Variants in TRIT1 observed in about 807,000 individuals in gnomAD.
TRIT1 encodes the protein tRNA isopentenyltransferase 1.
A neutral mutation model predicts 51.2 loss-of-function variants in TRIT1; 43 were observed. The observed-to-expected ratio is 0.84, with a 90% CI of 0.66 to 1.08. The LOEUF (loss-of-function observed/expected upper bound fraction) is 1.08. Ranked by LOEUF, TRIT1 falls within the 50% of genes least tolerant of loss-of-function variation. The pLI is 0.00. For synonymous variants in TRIT1, 184 were observed against 203.9 expected, an observed-to-expected ratio of 0.90 and a Z score of 0.83; for missense variants, 528 against 578.4, an observed-to-expected ratio of 0.91 and a Z score of 0.89.
rs561871616 is a variant in TRIT1 at position 39,844,239 on chromosome 1, G to A, written c.1117-21C>T. 7.1e-6 allele frequency: 11 copies of A among 1,552,544 alleles called. No individual in the cohort carries two copies. The African/African-American group carries it at 8.1e-5, about 12-fold the overall frequency. ...TGGCCCTAAAAGAACAAGGGTGGAA[G>A]GGAGTATTCAATTCAAAGAGATCTG... On this transcript the variant is annotated intron_variant, in intron 9 of 10. Transcript: ENST00000316891.
chr1:39,857,498 T>C (rs890372532), intron 1 of TRIT1, 81 bp from the exon 2 acceptor site: 5 of 1,510,996 alleles, frequency 3.3e-6, no homozygotes, highest in Admixed American at 3.7e-5. Context: ...TTTTGATCTA[T>C]TTCTCCCTCC....
chr1:39,847,529 T>A lies in TRIT1; in HGVS notation c.928+19A>T. 1 of 1,612,850 alleles carries A rather than the reference T, an allele frequency of 6.2e-7. No homozygotes were observed. Among genetic ancestry groups the A allele is most frequent in the South Asian group, 1.1e-5 (1 of 91,060 alleles). On this transcript the variant is annotated intron_variant, in intron 7 of 10. Coordinates refer to ENST00000316891, the MANE Select transcript of TRIT1 (RefSeq NM_017646.6). ...CACCCAAAGATGTCCAAGACTAGAT[T>A]AGATGGAAGAATTCACACCTTTCTT... is the stretch of plus-strand genomic sequence containing the variant.
At chr1:39,853,222 A>C (rs1162771294) in intron 3 of TRIT1, among the ~76,000 whole-genome samples, 1 of 152,176 alleles carries the variant, frequency 6.6e-6, no homozygotes, top group East Asian at 1.9e-4. Context: ...ATTACAGTTT[A>C]CACAGTCTTA....
intron 1 of TRIT1, among the ~76,000 whole-genome samples, chr1:39,881,949 T>A (rs899905185): frequency 1.3e-5 from 2 of 152,344 alleles, no homozygotes; most frequent in South Asian, 4.1e-4. Flanking sequence ...GGGCAGAAAT[T>A]ATGATTTTGT....
chr1:39,850,118 C>T lies in TRIT1; in HGVS notation c.703+1G>A, dbSNP rs752716507. On this transcript the variant is annotated splice_donor_variant, in intron 5 of 10. Coordinates refer to ENST00000316891, the MANE Select transcript of TRIT1 (RefSeq NM_017646.6). LOFTEE classifies it high-confidence loss of function. ...ACTCTAGGGCATCAAAGGGCTGTTA[C>T]CTGCCTGGTCAGCATGAAGCCAAAG... 6.2e-6 allele frequency: 10 copies of T among 1,613,958 alleles called. No individual in the cohort carries two copies. In the Admixed American group the frequency reaches 1.0e-4, roughly 16 times the overall value.
At chr1:39,854,373 C>G (rs1642769394) in intron 2 of TRIT1, among the ~76,000 whole-genome samples, 1 of 152,186 alleles carries the variant, frequency 6.6e-6, no homozygotes, top group African/African-American at 2.4e-5. Context: ...TCAATAAGCA[C>G]AAGCCCAAGG....
At chr1:39,876,672 A>G (rs891926614) in intron 1 of TRIT1, among the ~76,000 whole-genome samples, 2 of 152,010 alleles carry the variant, frequency 1.3e-5, no homozygotes, top group African/African-American at 4.8e-5. Context: ...CACGCTTGTA[A>G]TCACAGCACT....
At chr1:39,883,280 G>C in intron 1 of TRIT1, 38 bp downstream of exon 1, 1 of 1,577,254 alleles carries the variant, frequency 6.3e-7, no homozygotes, top group South Asian at 1.2e-5. Flanking sequence ...CGCGGCCTCC[G>C]GGGTCCCCAG....
At chr1:39,842,345 T>C (rs3768311) in intron 10 of TRIT1, among the ~76,000 whole-genome samples, 9,730 of 152,286 alleles carry the variant, frequency 0.064, 770 homozygotes, top group East Asian at 0.18. Flanking sequence ...GGGCTTCCTG[T>C]TATAGATGCA....
At chr1:39,855,975 C>T (rs995919941) in intron 2 of TRIT1, among the ~76,000 whole-genome samples, 6 of 151,596 alleles carry the variant, frequency 4.0e-5, no homozygotes, top group Non-Finnish European at 7.4e-5. Flanking sequence ...CCCAGGGGTT[C>T]AAGACCAGCT....
chr1:39,869,568 T>C (rs568294126), intron 1 of TRIT1, among the ~76,000 whole-genome samples: 1 of 151,558 alleles, frequency 6.6e-6, no homozygotes, highest in South Asian at 2.1e-4. Flanking sequence ...CCACCCATCG[T>C]CTGGGATGTG....
intron 1 of TRIT1, among the ~76,000 whole-genome samples, chr1:39,865,702 TAGTC>T (rs766122123): frequency 0.039 from 5,347 of 137,510 alleles, 124 homozygotes; most frequent in Non-Finnish European, 0.046. Flanking sequence ...AAAAGAAAAT[TAGTC>T]AGGCATGGTG....
At chr1:39,864,190 A>G (rs547877775) in intron 1 of TRIT1, among the ~76,000 whole-genome samples, 1 of 152,016 alleles carries the variant, frequency 6.6e-6, no homozygotes, top group East Asian at 1.9e-4. Flanking sequence ...CCAGCCAGAA[A>G]CATTTTTGAT....
intron 1 of TRIT1, among the ~76,000 whole-genome samples, chr1:39,880,073 G>A: frequency 6.6e-6 from 1 of 151,640 alleles, no homozygotes; most frequent in East Asian, 1.9e-4. Context: ...TGCTCGGGAG[G>A]CTGAGGCAGG....
chr1:39,865,429 CAA>C (rs1643480710), intron 1 of TRIT1, among the ~76,000 whole-genome samples: 1 of 152,208 alleles, frequency 6.6e-6, no homozygotes, highest in Non-Finnish European at 1.5e-5. Context: ...TGATAACTCC[CAA>C]AATCCATATC....
intron 3 of TRIT1, among the ~76,000 whole-genome samples, chr1:39,853,207 A>G (rs556858815): frequency 4.4e-4 from 67 of 152,314 alleles, no homozygotes; most frequent in African/African-American, 1.5e-3. Context: ...CAGGATTGCC[A>G]GTGAATTACA....
At chr1:39,842,754 A>ATT (rs1057434324) in intron 10 of TRIT1, among the ~76,000 whole-genome samples, 1 of 152,242 alleles carries the variant, frequency 6.6e-6, no homozygotes, top group Non-Finnish European at 1.5e-5. Flanking sequence ...TCTTTTATAC[A>ATT]TATTAAAAAC....
intron 1 of TRIT1, among the ~76,000 whole-genome samples, chr1:39,880,092 T>C (rs2124692978): frequency 6.6e-6 from 1 of 151,522 alleles, no homozygotes; most frequent in Middle Eastern, 3.4e-3. Context: ...GGACAATCAC[T>C]GGAATCCTGG....
At chr1:39,869,509 T>C (rs1354611301) in intron 1 of TRIT1, among the ~76,000 whole-genome samples, 1 of 152,210 alleles carries the variant, frequency 6.6e-6, no homozygotes, top group Non-Finnish European at 1.5e-5. Context: ...GATTGCAGCC[T>C]CTGCCCGGCC....
Sources: gnomAD v4.1 joint callset for allele counts (sites outside exome capture counted in the v4.1 genomes callset) on GRCh38, gnomAD v4.1.1 for gene constraint, MANE v1.5 for transcripts, NCBI Gene and HGNC (gene_info 2026-07-23, HGNC 2026-07-21) for gene names.